MYO16: variants seen among roughly 807,000 people sequenced by gnomAD.
The protein encoded by MYO16 is unconventional myosin-XVI.
MYO16 carries 94 observed loss-of-function variants against 205.3 expected under a neutral mutation model. That is an observed-to-expected ratio of 0.46 (90% CI 0.39 to 0.54). MYO16 has a LOEUF of 0.54. Ranked by LOEUF, MYO16 falls within the 20% of genes least tolerant of loss-of-function variation. The pLI, the probability that MYO16 is intolerant of heterozygous loss-of-function variation, is 0.00. For synonymous variants in MYO16, 988 were observed against 954.0 expected, an observed-to-expected ratio of 1.04 and a Z score of -0.66; for missense variants, 2,315 against 2,387.5, an observed-to-expected ratio of 0.97 and a Z score of 0.63.
chr13:108,609,826 C>T (rs936748641), intron 1 of MYO16, among the ~76,000 whole-genome samples: 3 of 151,830 alleles, frequency 2.0e-5, no homozygotes, highest in Admixed American at 6.6e-5. Context: ...CATTCTAAAA[C>T]GATAGTTATT....
At chr13:108,859,768 A>C (rs1878365053) in intron 11 of MYO16, among the ~76,000 whole-genome samples, 1 of 152,212 alleles carries the variant, frequency 6.6e-6, no homozygotes, top group South Asian at 2.1e-4. Flanking sequence ...GTTTGCTGGA[A>C]GTATTTATTT....
the MYO16 span, among the ~76,000 whole-genome samples, chr13:108,568,750 T>C: frequency 6.6e-6 from 1 of 152,082 alleles, no homozygotes; most frequent in Admixed American, 6.6e-5. Flanking sequence ...TTTGATGTCA[T>C]ATCTAAAAAA....
chr13:108,612,160 A>G (rs539404849), intron 1 of MYO16, among the ~76,000 whole-genome samples: 1 of 152,066 alleles, frequency 6.6e-6, no homozygotes, highest in South Asian at 2.1e-4. Flanking sequence ...TTATTTGCCC[A>G]TTTAGTTGAC....
At chr13:109,074,496 C>T (rs894323781) in intron 27 of MYO16, among the ~76,000 whole-genome samples, 1 of 152,106 alleles carries the variant, frequency 6.6e-6, no homozygotes, top group African/African-American at 2.4e-5. Context: ...AGACAGAGAG[C>T]AAGGGGGGAA....
intron 10 of MYO16, among the ~76,000 whole-genome samples, chr13:108,846,438 T>C (rs1877523990): frequency 6.6e-6 from 1 of 151,964 alleles, no homozygotes; most frequent in Non-Finnish European, 1.5e-5. Flanking sequence ...ACTGCTCACC[T>C]TTAGCTTTTA....
the MYO16 span, among the ~76,000 whole-genome samples, chr13:108,505,852 T>C: frequency 6.6e-6 from 1 of 152,138 alleles, no homozygotes; most frequent in East Asian, 1.9e-4. Context: ...CTGCATAAGG[T>C]AAAGATCAAA....
At chr13:108,837,137 G>C (rs1020441971) in intron 9 of MYO16, among the ~76,000 whole-genome samples, 1 of 152,150 alleles carries the variant, frequency 6.6e-6, no homozygotes, top group Non-Finnish European at 1.5e-5. Flanking sequence ...GAATGATCAG[G>C]GTGGTTTCCC....
At chr13:108,508,902 C>T in the MYO16 span, among the ~76,000 whole-genome samples, 1 of 152,166 alleles carries the variant, frequency 6.6e-6, no homozygotes, top group Non-Finnish European at 1.5e-5. Flanking sequence ...TATCCTGTTA[C>T]CATCCCATAG....
At chr13:109,112,175 A>G (rs1226021711) in intron 28 of MYO16, among the ~76,000 whole-genome samples, 1 of 152,190 alleles carries the variant, frequency 6.6e-6, no homozygotes, top group Admixed American at 6.5e-5. Context: ...CATCTCTTTT[A>G]GAGAAATAAA....
At chr13:108,654,200 G>A (rs968998168) in intron 1 of MYO16, among the ~76,000 whole-genome samples, 5 of 152,098 alleles carry the variant, frequency 3.3e-5, no homozygotes, top group South Asian at 4.1e-4. Flanking sequence ...AAGGTGACAC[G>A]CTTTGGCTCT....
At position 108,629,665 on chromosome 13, in the gene MYO16, G is replaced by T. The variant is rs140532213; in HGVS notation, c.-180G>T. 1.8e-6 allele frequency: 1 copy of T among 549,538 alleles called. No homozygotes were observed. The highest frequency in any genetic ancestry group is 2.9e-5 in the Admixed American group (1 of 34,816). 34.0% of individuals were successfully genotyped at this position (549,538 alleles called of 1,614,324 possible). A position where few individuals can be genotyped will look rare whatever the true frequency, so the allele number is the denominator to read the frequency against. On this transcript the variant is annotated 5_prime_UTR_variant, in exon 1 of 35. Coordinates refer to ENST00000457511, the MANE Select transcript of MYO16 (RefSeq NM_001198950.3). Reference sequence around the variant, plus strand: ...GAGGCTTATCTTAACTCCAGCTGCCGAATGAGAATGAGTTTGAAGCTTTTT... The same window carrying T: ...GAGGCTTATCTTAACTCCAGCTGCCTAATGAGAATGAGTTTGAAGCTTTTT...
At chr13:108,725,574 C>A (rs900564546) in intron 3 of MYO16, among the ~76,000 whole-genome samples, 2 of 152,140 alleles carry the variant, frequency 1.3e-5, no homozygotes, top group African/African-American at 4.8e-5. Flanking sequence ...CTGTCAGTTA[C>A]ACGGTTTTCA....
At chr13:108,537,068 A>C in the MYO16 span, among the ~76,000 whole-genome samples, 2 of 152,124 alleles carry the variant, frequency 1.3e-5, no homozygotes, top group Non-Finnish European at 2.9e-5. Flanking sequence ...TGTACCCATG[A>C]ACTGAATAAT....
chr13:108,889,585 T>G (rs1194330061), intron 14 of MYO16, among the ~76,000 whole-genome samples: 1 of 152,178 alleles, frequency 6.6e-6, no homozygotes, highest in Admixed American at 6.5e-5. Flanking sequence ...TCCAAAAGAA[T>G]GGAAATCAAC....
Position 109,055,027 on chromosome 13 carries a change from G to A in MYO16, c.3049-19G>A. On this transcript the variant is annotated intron_variant, in intron 25 of 34. Coordinates refer to ENST00000457511, the MANE Select transcript of MYO16 (RefSeq NM_001198950.3). The surrounding 1 kb of genome is among the most constrained non-coding windows in gnomAD (Gnocchi z 5.0). ...TCCTTTCTTTTCTCCTGTCCTTCTT[G>A]TCTTTCTTTTTATTACAGTTATTAA... 1 of 1,360,912 alleles carries A rather than the reference G, an allele frequency of 7.3e-7. No homozygotes were observed. Among genetic ancestry groups the A allele is most frequent in the Middle Eastern group, 2.2e-4 (1 of 4,512 alleles). 84.3% of individuals were successfully genotyped at this position (1,360,912 alleles called of 1,614,324 possible).
intron 27 of MYO16, among the ~76,000 whole-genome samples, chr13:109,084,144 C>G (rs1035062332): frequency 1.3e-5 from 2 of 152,094 alleles, no homozygotes; most frequent in African/African-American, 4.8e-5. Flanking sequence ...GAAGACACAT[C>G]TAAAGAAAAC....
In MYO16 at chr13:108,784,056, C is replaced by T. The variant is rs547053571; in HGVS notation, c.508-1579C>T. Among the ~76,000 whole-genome samples, 46 of 152,282 alleles carry T rather than the reference C, an allele frequency of 3.0e-4. No individual in the cohort carries two copies. The South Asian group carries it at 9.1e-3, about 30-fold the overall frequency. On this transcript the variant is annotated intron_variant, in intron 4 of 34. Transcript: ENST00000457511. Reference sequence around the variant, plus strand: ...CTGTGATAACAAGCAGAGTTATATGCCTGTGCTGTGCTCTAAACTCACTGA... The same window carrying T: ...CTGTGATAACAAGCAGAGTTATATGTCTGTGCTGTGCTCTAAACTCACTGA...
intron 4 of MYO16, among the ~76,000 whole-genome samples, chr13:108,750,103 C>T (rs372565804): frequency 3.0e-4 from 45 of 152,156 alleles, no homozygotes; most frequent in African/African-American, 1.0e-3. Flanking sequence ...ATTTGGAGAT[C>T]GAAGAGGAAA....
At chr13:109,149,708 G>A (rs897949205) in intron 32 of MYO16, among the ~76,000 whole-genome samples, 4 of 152,100 alleles carry the variant, frequency 2.6e-5, no homozygotes, top group African/African-American at 7.2e-5. Flanking sequence ...TGTTCTTCGT[G>A]TGCCCCCTGC....
Sources: allele counts gnomAD v4.1 joint callset (sites outside exome capture counted in the v4.1 genomes callset), GRCh38; gene constraint gnomAD v4.1.1; non-coding constraint Gnocchi (gnomAD v3.1); transcripts MANE v1.5; gene names NCBI Gene and HGNC (gene_info 2026-07-23, HGNC 2026-07-21).